Variants in SRP9 observed in about 807,000 individuals in gnomAD.
SRP9 encodes the protein signal recognition particle 9, also known as signal recognition particle 9 kDa protein.
In SRP9, 2 loss-of-function variants were observed where a neutral mutation model predicts 11.7. The observed-to-expected ratio is 0.17, with a 90% CI of 0.07 to 0.54. The LOEUF is 0.54. Ranked by LOEUF, SRP9 falls within the 20% of genes least tolerant of loss-of-function variation. The pLI is 0.94. For synonymous variants in SRP9, 27 were observed against 35.6 expected, an observed-to-expected ratio of 0.76 and a Z score of 0.86; for missense variants, 54 against 108.1, an observed-to-expected ratio of 0.50 and a Z score of 2.22.
rs201824551 is a variant in SRP9 at position 225,785,022 on chromosome 1, C to T, written c.141+1654C>T. ...AACTCCTGGCTTCAAGCAGTCCTCC[C>T]ACTCAGCCTCCCAAGTTGCTGGGAT... On this transcript the variant is annotated intron_variant, in intron 2 of 2. Coordinates refer to ENST00000304786, the MANE Select transcript of SRP9 (RefSeq NM_003133.6). Among the ~76,000 whole-genome samples, 5 of 151,890 alleles carry T rather than the reference C, an allele frequency of 3.3e-5. No individual in the cohort carries two copies. The East Asian group carries it at 9.7e-4, about 30-fold the overall frequency.
intron 2 of SRP9, among the ~76,000 whole-genome samples, chr1:225,788,376 G>A (rs1268854621): frequency 2.0e-5 from 3 of 151,498 alleles, no homozygotes; most frequent in African/African-American, 7.3e-5. Flanking sequence ...CACAGAGTGA[G>A]ACACTGTCTC....
At chr1:225,786,874 G>C (rs1665927251) in intron 2 of SRP9, 1 of 1,192,090 alleles carries the variant, frequency 8.4e-7, no homozygotes, top group Admixed American at 2.5e-5. Context: ...ACAGTGTCTT[G>C]CTCTATTGCT....
intron 2 of SRP9, among the ~76,000 whole-genome samples, chr1:225,786,587 A>G (rs1665921111): frequency 1.3e-5 from 2 of 152,212 alleles, no homozygotes; most frequent in Admixed American, 6.5e-5. Context: ...GTAGCTAAAC[A>G]TGTGGAAAAG....
intron 1 of SRP9, among the ~76,000 whole-genome samples, chr1:225,780,315 C>T (rs1353541476): frequency 6.6e-6 from 1 of 151,752 alleles, no homozygotes; most frequent in Non-Finnish European, 1.5e-5. Context: ...AGCCATGGCG[C>T]CTGGCTTGAC....
chr1:225,780,273 C>A (rs1665767297), intron 1 of SRP9, among the ~76,000 whole-genome samples: 2 of 150,840 alleles, frequency 1.3e-5, no homozygotes, highest in Admixed American at 1.3e-4. Flanking sequence ...TCTCCTGCCT[C>A]AGCTTCCCAA....
chr1:225,779,247 C>T (rs1338226463), intron 1 of SRP9, among the ~76,000 whole-genome samples: 1 of 151,632 alleles, frequency 6.6e-6, no homozygotes, highest in Non-Finnish European at 1.5e-5. Flanking sequence ...TGGGTTCAAA[C>T]GGTTCTCCTG....
At chr1:225,782,797 A>C (rs1575952422) in intron 1 of SRP9, among the ~76,000 whole-genome samples, 1 of 152,232 alleles carries the variant, frequency 6.6e-6, no homozygotes, top group African/African-American at 2.4e-5. Flanking sequence ...ATTTTGCTGA[A>C]TATTTTAGTC....
chr1:225,778,426 G>A (rs976507122), intron 1 of SRP9, among the ~76,000 whole-genome samples: 5 of 152,164 alleles, frequency 3.3e-5, no homozygotes, highest in African/African-American at 1.2e-4. Flanking sequence ...TTCTACTACC[G>A]CTCAGACATT....
chr1:225,788,414 A>AT (rs35284825), intron 2 of SRP9, among the ~76,000 whole-genome samples: 13,065 of 127,998 alleles, frequency 0.1, 852 homozygotes, highest in East Asian at 0.22. Context: ...GCAAATCAAG[A>AT]TTTTTTTTTT....
rs1172914236 is a variant in SRP9, at chr1:225,777,875, C to T, written c.-66C>T. ...CTCGCGTCGGTTGGCGACTCCCGGA[C>T]GTAGGTAGTTTGTTGGGCCGGGTTC... On this transcript the variant is annotated 5_prime_UTR_variant, in exon 1 of 3. The change creates a new upstream start codon in the 5' untranslated region. Transcript: ENST00000304786. 1.4e-6 allele frequency: 2 copies of T among 1,480,446 alleles called. No homozygotes were observed. The allele number at this position is 1,480,446 out of a possible 1,614,324, so 91.7% of individuals were successfully genotyped here.
At position 225,790,156 on chromosome 1, in the gene SRP9, T is replaced by C. The variant is rs1424386124; in HGVS notation, c.*797T>C. On this transcript the variant is annotated 3_prime_UTR_variant, in exon 3 of 3. Coordinates refer to ENST00000304786, the MANE Select transcript of SRP9 (RefSeq NM_003133.6). ...AAGGGCTATGGATTAGTTTGAACTG[T>C]CAAATCCTTGCATACTTCTGTGACA... 1 of 152,230 alleles carries C rather than the reference T, an allele frequency of 6.6e-6. No individual in the cohort carries two copies. Among genetic ancestry groups the C allele is most frequent in the Non-Finnish European group, 1.5e-5 (1 of 68,032 alleles). 9.4% of individuals were successfully genotyped at this position (152,230 alleles called of 1,614,324 possible). A position where few individuals can be genotyped will look rare whatever the true frequency, so the allele number is the denominator to read the frequency against.
rs181145071 is a variant in SRP9, at chr1:225,784,403, C to T, written c.141+1035C>T. ...CTGGGACTACAGGCACCCACCACCA[C>T]GCCCAGCTAATTTTTTTTTGTATTT... On this transcript the variant is annotated intron_variant, in intron 2 of 2. Coordinates refer to ENST00000304786, the MANE Select transcript of SRP9 (RefSeq NM_003133.6). Among the ~76,000 whole-genome samples the T allele has an allele frequency of 9.4e-3, 1,356 of 143,598 alleles. 31 individuals are homozygous for T. The highest frequency in any genetic ancestry group is 0.03 in the African/African-American group (1,180 of 38,900). The allele number at this position is 143,598 out of a possible 152,430, so 94.2% of individuals were successfully genotyped here. A position where few individuals can be genotyped will look rare whatever the true frequency, so the allele number is the denominator to read the frequency against.
chr1:225,786,950 C>T (rs1665929696), intron 2 of SRP9: 4 of 581,488 alleles, frequency 6.9e-6, no homozygotes, highest in Non-Finnish European at 1.1e-5. Flanking sequence ...TCAAGCGGTC[C>T]TCTTGCTTCA....
intron 1 of SRP9, among the ~76,000 whole-genome samples, chr1:225,778,724 TA>T (rs1665735191): frequency 6.6e-6 from 1 of 152,230 alleles, no homozygotes; most frequent in Non-Finnish European, 1.5e-5. Context: ...ATTCGGGTCT[TA>T]CTTTTCGTCT....
At chr1:225,781,576 T>C (rs1462776096) in intron 1 of SRP9, among the ~76,000 whole-genome samples, 1 of 151,960 alleles carries the variant, frequency 6.6e-6, no homozygotes, top group Non-Finnish European at 1.5e-5. Flanking sequence ...ATTTTTGTAT[T>C]TTTAGTAGAG....
intron 2 of SRP9, among the ~76,000 whole-genome samples, chr1:225,784,666 C>T (rs1665863938): frequency 6.6e-6 from 1 of 151,546 alleles, no homozygotes; most frequent in African/African-American, 2.4e-5. Context: ...ACGGTGAAAC[C>T]CCATCTCTAC....
intron 1 of SRP9, 78 bp downstream of exon 1, chr1:225,778,090 C>G: frequency 6.6e-7 from 1 of 1,507,182 alleles, no homozygotes. Context: ...CCTGGAGCTT[C>G]CCCAGCGCTC....
At chr1:225,781,532 T>G (rs1665801492) in intron 1 of SRP9, among the ~76,000 whole-genome samples, 1 of 151,752 alleles carries the variant, frequency 6.6e-6, no homozygotes, top group Non-Finnish European at 1.5e-5. Flanking sequence ...CCCGAGTAGC[T>G]GGGATTACAG....
Position 225,777,976 on chromosome 1 carries a change from C to T in SRP9, c.36C>T (p.Arg12=), listed in dbSNP as rs200191596. The T allele has an allele frequency of 4.3e-5, 70 of 1,614,222 alleles. No homozygotes were observed. The highest frequency in any genetic ancestry group is 5.7e-5 in the Non-Finnish European group (67 of 1,180,024). Residue 12 remains arginine (R), a synonymous_variant, in exon 1 of 3, where the codon CGC becomes CGT. Coordinates refer to ENST00000304786, the MANE Select transcript of SRP9 (RefSeq NM_003133.6). The stretch of plus-strand genomic sequence containing the variant: ...ACCAGACCTGGGAGGAGTTCAGCCG[C>T]GCTGCCGAGAAGCTTTACCTCGCTG... ...PQYQTWEEFS[R]AAEKLYLADP...
Sources: gnomAD v4.1 joint callset for allele counts (sites outside exome capture counted in the v4.1 genomes callset) on GRCh38, gnomAD v4.1.1 for gene constraint, MANE v1.5 for transcripts, NCBI Gene and HGNC (gene_info 2026-07-23, HGNC 2026-07-21) for gene names.